SLC4A5: variants seen among roughly 807,000 people sequenced by gnomAD.
SLC4A5 encodes the protein electrogenic sodium bicarbonate cotransporter 4.
SLC4A5 carries 96 observed loss-of-function variants against 120.4 expected under a neutral mutation model. The observed-to-expected ratio is 0.80, with a 90% CI of 0.68 to 0.94. The LOEUF is 0.94. Among genes scored for constraint, SLC4A5 ranks in the 40% least tolerant of loss-of-function variants. The pLI is 0.00. For synonymous variants in SLC4A5, 550 were observed against 571.1 expected, an observed-to-expected ratio of 0.96 and a Z score of 0.53; for missense variants, 1,259 against 1,459.5, an observed-to-expected ratio of 0.86 and a Z score of 2.24.
chr2:74,239,264 CCAGA>C, intron 21 of SLC4A5, 67 bp downstream of exon 21: 1 of 1,482,314 alleles, frequency 6.7e-7, no homozygotes, highest in Non-Finnish European at 9.4e-7. Flanking sequence ...TGTCGGTGGA[CCAGA>C]ACCCTCTCTG....
intron 6 of SLC4A5, chr2:74,307,002 T>C (rs756713223): frequency 1.7e-5 from 10 of 593,282 alleles, no homozygotes; most frequent in South Asian, 9.1e-5. Flanking sequence ...CAGGATCCCA[T>C]TGAGCTGCTC....
intron 8 of SLC4A5, 89 bp downstream of exon 8, chr2:74,285,684 A>C (rs778226119): frequency 2.3e-4 from 344 of 1,513,484 alleles, no homozygotes; most frequent in Non-Finnish European, 2.8e-4. Context: ...CTCTCAAGGT[A>C]CAAGGTGCCA....
chr2:74,329,834 G>A lies in SLC4A5; in HGVS notation c.-69-1648C>T, dbSNP rs149911646. Among the ~76,000 whole-genome samples, 449 of 150,352 alleles carry A rather than the reference G, an allele frequency of 3.0e-3. 3 individuals are homozygous for A. The highest frequency in any genetic ancestry group is 0.011 in the African/African-American group (441 of 40,862). ...TGGAAGTGTGAGGTGTAGATGGGGGGTGAAGTGTAGATGGAAATGTGATAT... is the reference window on the plus strand; with the variant it reads ...TGGAAGTGTGAGGTGTAGATGGGGGATGAAGTGTAGATGGAAATGTGATAT... On this transcript the variant is annotated intron_variant, in intron 4 of 30. Transcript: ENST00000394019.
chr2:74,296,616 CAAAAAA>C (rs1160532512), intron 7 of SLC4A5, among the ~76,000 whole-genome samples: 8 of 47,486 alleles, frequency 1.7e-4, no homozygotes, highest in South Asian at 7.6e-4. Context: ...ACTAAAAATA[CAAAAAA>C]AAAAAAAAAA....
intron 6 of SLC4A5, among the ~76,000 whole-genome samples, chr2:74,313,963 G>T (rs1672886743): frequency 6.6e-6 from 1 of 152,128 alleles, no homozygotes; most frequent in South Asian, 2.1e-4. Context: ...GGGACTCGGT[G>T]AACTCATCTG....
chr2:74,219,176 GGTGTGTGTGTGTGT>G (rs58141033), intron 30 of SLC4A5, among the ~76,000 whole-genome samples: 63 of 134,342 alleles, frequency 4.7e-4, no homozygotes, highest in East Asian at 1.3e-3. Flanking sequence ...GCTCTTTGGA[GGTGTGTGTGTGTGT>G]GTGTGTGTGT....
At chr2:74,262,612 T>A (rs905771427) in intron 10 of SLC4A5, among the ~76,000 whole-genome samples, 3 of 151,198 alleles carry the variant, frequency 2.0e-5, no homozygotes, top group Non-Finnish European at 4.4e-5. Context: ...GGCAGGAGAA[T>A]CACTTGAATC....
intron 8 of SLC4A5, 138 bp from the exon 9 acceptor site, chr2:74,265,402 A>G: frequency 9.9e-7 from 1 of 1,009,144 alleles, no homozygotes; most frequent in Non-Finnish European, 1.4e-6. Context: ...TCACAGGCAG[A>G]GGATCTCTTG....
chr2:74,225,057 A>C, intron 27 of SLC4A5, 62 bp from the exon 28 acceptor site: 1 of 1,522,254 alleles, frequency 6.6e-7, no homozygotes, highest in South Asian at 1.2e-5. Context: ...CTCAATGCCC[A>C]AACTCAGGCA....
At chr2:74,241,394 T>C (rs1670438737) in intron 20 of SLC4A5, among the ~76,000 whole-genome samples, 1 of 151,262 alleles carries the variant, frequency 6.6e-6, no homozygotes, top group African/African-American at 2.4e-5. Context: ...GCCTCTTGAG[T>C]AGCTGGGATT....
chr2:74,295,420 G>A (rs1672298197), intron 7 of SLC4A5, among the ~76,000 whole-genome samples: 2 of 152,148 alleles, frequency 1.3e-5, no homozygotes, highest in Admixed American at 6.5e-5. Context: ...GATCATTTGA[G>A]GTCAGGAGTT....
chr2:74,325,099 A>G (rs1673187905), intron 5 of SLC4A5, among the ~76,000 whole-genome samples: 1 of 152,150 alleles, frequency 6.6e-6, no homozygotes, highest in South Asian at 2.1e-4. Flanking sequence ...TGGGCTTCTC[A>G]TGTTTGCAAT....
At chr2:74,235,755 G>A (rs1052864069) in intron 21 of SLC4A5, among the ~76,000 whole-genome samples, 4 of 152,000 alleles carry the variant, frequency 2.6e-5, no homozygotes, top group African/African-American at 9.7e-5. Flanking sequence ...CTCTTGTTCC[G>A]CTGTTTCTCA....
At chr2:74,232,172 G>A (rs1293508417) in intron 24 of SLC4A5, among the ~76,000 whole-genome samples, 2 of 152,154 alleles carry the variant, frequency 1.3e-5, no homozygotes, top group African/African-American at 2.4e-5. Flanking sequence ...AGGACAGCAC[G>A]AAGCCTTGTG....
At position 74,318,134 on chromosome 2, in the gene SLC4A5, GA is replaced by G. The variant is rs538896891; in HGVS notation, c.-2-3110del. 6.9e-4 allele frequency among the ~76,000 whole-genome samples: 103 copies of G among 150,160 alleles called. No individual in the cohort carries two copies. In the South Asian group the frequency reaches 0.019, roughly 28 times the overall value. On this transcript the variant is annotated intron_variant, in intron 5 of 30. Transcript: ENST00000394019. ...AAAGTAAACAGACAACCTACAGAAT[GA>G]AAAAAAAATATTGCACACTGCGCAT... is the stretch of plus-strand genomic sequence containing the variant.
intron 26 of SLC4A5, 144 bp downstream of exon 26, chr2:74,227,666 T>C (rs1445068067): frequency 2.6e-6 from 3 of 1,137,976 alleles, no homozygotes; most frequent in Non-Finnish European, 3.8e-6. Flanking sequence ...CAGTAAGTGG[T>C]AGTATCATTA....
intron 30 of SLC4A5, 47 bp downstream of exon 30, chr2:74,221,387 C>T: frequency 7.0e-7 from 1 of 1,438,782 alleles, no homozygotes; most frequent in Non-Finnish European, 9.8e-7. Flanking sequence ...CCGGCCATTT[C>T]CTAGTCTCTT....
At chr2:74,246,489 T>A (rs1670615440) in intron 19 of SLC4A5, among the ~76,000 whole-genome samples, 1 of 152,202 alleles carries the variant, frequency 6.6e-6, no homozygotes, top group South Asian at 2.1e-4. Context: ...ACTCTCATAT[T>A]CATAAGAGGC....
At chr2:74,231,690 C>T (rs935456343) in intron 24 of SLC4A5, among the ~76,000 whole-genome samples, 12 of 152,230 alleles carry the variant, frequency 7.9e-5, no homozygotes, top group Admixed American at 5.2e-4. Context: ...TGTGAGGATA[C>T]ATGCGAGATA....
Sources: gnomAD v4.1 joint callset for allele counts (sites outside exome capture counted in the v4.1 genomes callset) on GRCh38, gnomAD v4.1.1 for gene constraint, MANE v1.5 for transcripts, NCBI Gene and HGNC (gene_info 2026-07-23, HGNC 2026-07-21) for gene names.